The following RAB2A variants were observed in gnomAD, a reference collection of about 807,000 sequenced individuals.
RAB2A encodes the protein ras-related protein Rab-2A.
RAB2A carries 7 observed loss-of-function variants against 32.5 expected under a neutral mutation model. The observed-to-expected ratio is 0.22, with a 90% CI of 0.12 to 0.40. The LOEUF is 0.40. Ranked by LOEUF, RAB2A falls within the 10% of genes least tolerant of loss-of-function variation. The probability of loss-of-function intolerance (pLI) is 1.00; values close to 1 mark genes in which losing one functional copy is unlikely to be tolerated. For missense variants in RAB2A, 108 were observed against 260.7 expected (o/e 0.41, Z 4.03); for synonymous variants, 79 against 85.2 (o/e 0.93, Z 0.40).
chr8:60,524,337 G>A (rs2130805728), intron 1 of RAB2A, among the ~76,000 whole-genome samples: 1 of 152,210 alleles, frequency 6.6e-6, no homozygotes, highest in Middle Eastern at 3.4e-3. Flanking sequence ...TGCCATCTCA[G>A]CTGTTTTTCC....
At chr8:60,592,826 AG>A (rs1181177620) in intron 6 of RAB2A, among the ~76,000 whole-genome samples, 1 of 152,230 alleles carries the variant, frequency 6.6e-6, no homozygotes, top group Non-Finnish European at 1.5e-5. Flanking sequence ...TTATAAAAAG[AG>A]GTAATGAAGC....
chr8:60,621,685 A>G lies in RAB2A; in HGVS notation c.*916A>G, dbSNP rs766462793. ...CTTTAATCTTTCCTTAAACACAATA[A>G]TGTTTTCTTTTTTCTTTTATTCACA... On this transcript the variant is annotated 3_prime_UTR_variant, in exon 8 of 8. Transcript: ENST00000262646. 3 of 152,140 alleles carry G rather than the reference A, an allele frequency of 2.0e-5. No individual in the cohort carries two copies. Among genetic ancestry groups the G allele is most frequent in the South Asian group, 2.1e-4 (1 of 4,824 alleles). The allele number at this position is 152,140 out of a possible 1,614,324, so 9.4% of individuals were successfully genotyped here.
At chr8:60,599,960 A>T (rs1184017581) in intron 6 of RAB2A, among the ~76,000 whole-genome samples, 1 of 152,124 alleles carries the variant, frequency 6.6e-6, no homozygotes, top group Non-Finnish European at 1.5e-5. Flanking sequence ...AGATGAAAAG[A>T]CACATCTTCA....
At chr8:60,574,572 T>C (rs1246785721) in intron 3 of RAB2A, among the ~76,000 whole-genome samples, 2 of 152,254 alleles carry the variant, frequency 1.3e-5, no homozygotes, top group Non-Finnish European at 2.9e-5. Context: ...TATTTTAGTT[T>C]ATTCACTTGT....
Position 60,622,005 on chromosome 8 carries a change from C to T in RAB2A, c.*1236C>T, listed in dbSNP as rs1804536331. 1 of 151,132 alleles carries T rather than the reference C, an allele frequency of 6.6e-6. No homozygotes were observed. Among genetic ancestry groups the T allele is most frequent in the African/African-American group, 2.4e-5 (1 of 41,164 alleles). 9.4% of individuals were successfully genotyped at this position (151,132 alleles called of 1,614,324 possible). A position where few individuals can be genotyped will look rare whatever the true frequency, so the allele number is the denominator to read the frequency against. ...ATAAAATCCTATGTATAAAAGTGTT[C>T]TTTTTTTTTATTATGACCACCTCTT... is the stretch of plus-strand genomic sequence containing the variant. On this transcript the variant is annotated 3_prime_UTR_variant, in exon 8 of 8. Transcript: ENST00000262646.
intron 5 of RAB2A, 89 bp downstream of exon 5, chr8:60,584,904 T>G: frequency 2.2e-6 from 2 of 890,324 alleles, no homozygotes; most frequent in Non-Finnish European, 3.3e-6. Flanking sequence ...TGTTCAAATG[T>G]GAGTTACCAG....
At chr8:60,566,170 T>C (rs1204912951) in intron 2 of RAB2A, among the ~76,000 whole-genome samples, 3 of 152,228 alleles carry the variant, frequency 2.0e-5, no homozygotes, top group African/African-American at 7.2e-5. Context: ...TAGTGCCTTC[T>C]AAAGCTTTTA....
chr8:60,614,525 A>G (rs768303845), intron 6 of RAB2A, among the ~76,000 whole-genome samples: 1 of 152,208 alleles, frequency 6.6e-6, no homozygotes. Flanking sequence ...GAGTGCTGGG[A>G]TTACAGGTGC....
chr8:60,531,663 T>G (rs1807477688), intron 1 of RAB2A, among the ~76,000 whole-genome samples: 2 of 152,170 alleles, frequency 1.3e-5, no homozygotes, highest in Admixed American at 1.3e-4. Context: ...CCTCCATGAC[T>G]CAATAAAAGA....
intron 3 of RAB2A, among the ~76,000 whole-genome samples, chr8:60,583,437 T>A (rs1803795393): frequency 6.6e-6 from 1 of 152,156 alleles, no homozygotes. Context: ...AAAGAGAAAT[T>A]ACCTAGCTTT....
chr8:60,547,230 C>T (rs1018976552), intron 1 of RAB2A, among the ~76,000 whole-genome samples: 6 of 152,172 alleles, frequency 3.9e-5, no homozygotes, highest in African/African-American at 1.4e-4. Context: ...CACCGATCAA[C>T]AGGATCCCAA....
At chr8:60,615,158 T>A (rs944632099) in intron 6 of RAB2A, among the ~76,000 whole-genome samples, 8 of 152,296 alleles carry the variant, frequency 5.3e-5, no homozygotes, top group Middle Eastern at 3.4e-3. Flanking sequence ...CCTAAAGAGA[T>A]GTACATAAGC....
At chr8:60,558,581 G>A (rs1444230884) in intron 1 of RAB2A, 1 of 502,238 alleles carries the variant, frequency 2.0e-6, no homozygotes, top group Non-Finnish European at 3.7e-6. Context: ...GACCTGGTTA[G>A]TTGTCATCTG....
At chr8:60,604,876 A>T (rs1354055074) in intron 6 of RAB2A, among the ~76,000 whole-genome samples, 1 of 152,236 alleles carries the variant, frequency 6.6e-6, no homozygotes, top group Non-Finnish European at 1.5e-5. Flanking sequence ...GGTAGAAAAG[A>T]AAAGTCCATT....
chr8:60,618,056 A>C (rs1030594289), intron 6 of RAB2A, among the ~76,000 whole-genome samples: 1 of 152,174 alleles, frequency 6.6e-6, no homozygotes, highest in African/African-American at 2.4e-5. Context: ...TCAGTACTTC[A>C]TTCCTTTTTA....
intron 5 of RAB2A, 196 bp from the exon 6 acceptor site, chr8:60,591,662 G>A (rs190951225): frequency 2.5e-6 from 1 of 398,188 alleles, no homozygotes; most frequent in East Asian, 3.9e-5. Flanking sequence ...TCTTCTGTTG[G>A]ATTGTTAGTT....
chr8:60,516,922 G>T (rs1474860290), upstream of RAB2A: 5 of 294,578 alleles, frequency 1.7e-5, no homozygotes, highest in Non-Finnish European at 2.5e-5. Flanking sequence ...TCCTCCGGCG[G>T]CGCCGGCGGC....
At chr8:60,537,641 C>T (rs889828976) in intron 1 of RAB2A, among the ~76,000 whole-genome samples, 18 of 152,112 alleles carry the variant, frequency 1.2e-4, no homozygotes, top group Admixed American at 4.6e-4. Context: ...CCAACAAAAC[C>T]GACATCCTAC....
At chr8:60,554,834 C>T (rs964622216) in intron 1 of RAB2A, among the ~76,000 whole-genome samples, 6 of 151,164 alleles carry the variant, frequency 4.0e-5, no homozygotes, top group African/African-American at 1.5e-4. Context: ...GCCTGGGCGA[C>T]AGAGCGAGAC....
Sources: gnomAD v4.1 joint callset for allele counts (sites outside exome capture counted in the v4.1 genomes callset) on GRCh38, gnomAD v4.1.1 for gene constraint, MANE v1.5 for transcripts, NCBI Gene and HGNC (gene_info 2026-07-23, HGNC 2026-07-21) for gene names.